The following AGL variants were observed in gnomAD, a reference collection of about 807,000 sequenced individuals.
AGL encodes amylo-alpha-1,6-glucosidase and 4-alpha-glucanotransferase.
A neutral mutation model predicts 199.3 loss-of-function variants in AGL; 128 were observed. The observed-to-expected ratio is 0.64, with a 90% CI of 0.56 to 0.74. AGL has a LOEUF of 0.74. AGL is among the 30% of genes least tolerant of loss of function. The probability of loss-of-function intolerance (pLI) is 0.00; values close to 1 mark genes in which losing one functional copy is unlikely to be tolerated. For synonymous variants in AGL, 584 were observed against 594.7 expected (o/e 0.98, Z 0.26); for missense variants, 1,809 against 1,820.8 (o/e 0.99, Z 0.12).
At position 99,907,680 on chromosome 1, in the gene AGL, G is replaced by GTTTTTGTTTTTTGT. The variant is rs1167463480; in HGVS notation, c.3701-3026_3701-3013dup. 9.8e-4 allele frequency among the ~76,000 whole-genome samples: 46 copies of GTTTTTGTTTTTTGT among 47,046 alleles called. 3 individuals are homozygous for GTTTTTGTTTTTTGT. Among genetic ancestry groups the GTTTTTGTTTTTTGT allele is most frequent in the African/African-American group, 2.6e-3 (40 of 15,602 alleles). The allele number at this position is 47,046 out of a possible 152,430, so 30.9% of individuals were successfully genotyped here. A position where few individuals can be genotyped will look rare whatever the true frequency, so the allele number is the denominator to read the frequency against. On this transcript the variant is annotated intron_variant, in intron 27 of 33. Transcript: ENST00000361915. ...TTTTGGTTTTTGTTTTTGTTCGTTT[G>GTTTTTGTTTTTTGT]TTTTTGTTTTTTGTTTTTTTTGCTA...
chr1:99,906,470 A>G (rs1447798904), intron 27 of AGL, among the ~76,000 whole-genome samples: 1 of 152,146 alleles, frequency 6.6e-6, no homozygotes, highest in African/African-American at 2.4e-5. Flanking sequence ...TGTGGAACAG[A>G]TCTCTAGAAC....
intron 12 of AGL, 132 bp from the exon 13 acceptor site, chr1:99,879,791 G>T: frequency 4.1e-6 from 3 of 723,632 alleles, no homozygotes; most frequent in Non-Finnish European, 7.4e-6. Flanking sequence ...TATGTGTTTT[G>T]GTATGTTTGA....
rs886043990 is a variant in AGL at position 99,881,540 on chromosome 1, G to T, written c.2158-1G>T. On this transcript the variant is annotated splice_acceptor_variant, in intron 16 of 33. Coordinates refer to ENST00000361915, the MANE Select transcript of AGL (RefSeq NM_000642.3). LOFTEE classifies it high-confidence loss of function. The stretch of plus-strand genomic sequence containing the variant: ...ATCTAGTTGTTCTTTCTGCTTCTCA[G>T]GTGTATGTGGATCAAGTTGATGAAG... 4 of 1,613,910 alleles carry T rather than the reference G, an allele frequency of 2.5e-6. No individual in the cohort carries two copies. Among genetic ancestry groups the T allele is most frequent in the Admixed American group, 1.7e-5 (1 of 59,988 alleles).
intron 2 of AGL, among the ~76,000 whole-genome samples, chr1:99,857,984 A>G (rs61213936): frequency 0.14 from 20,772 of 152,258 alleles, 1,511 homozygotes; most frequent in Middle Eastern, 0.16. Flanking sequence ...AGTTACAAAC[A>G]AAAAAGGCAT....
At chr1:99,860,900 T>C (rs1427898030) in intron 2 of AGL, among the ~76,000 whole-genome samples, 3 of 152,220 alleles carry the variant, frequency 2.0e-5, no homozygotes, top group Non-Finnish European at 2.9e-5. Context: ...GCTAAATCTT[T>C]ATTAGCACAT....
At chr1:99,890,651 ATAT>A (rs768325892) in intron 21 of AGL, among the ~76,000 whole-genome samples, 5,632 of 55,050 alleles carry the variant, frequency 0.1, 110 homozygotes, top group East Asian at 0.15. Flanking sequence ...GAAAAAAAAA[ATAT>A]ATATATATAT....
At chr1:99,891,763 A>G in intron 23 of AGL, 24 bp downstream of exon 23, 1 of 1,613,000 alleles carries the variant, frequency 6.2e-7, no homozygotes, top group Non-Finnish European at 8.5e-7. Context: ...AGCTTGAATA[A>G]ATGGGCATAT....
At position 99,915,413 on chromosome 1, in the gene AGL, A is replaced by G. The variant is rs539403694; in HGVS notation, c.4186A>G (p.Lys1396Glu). 4.3e-5 allele frequency: 70 copies of G among 1,614,024 alleles called. 1 individual carries two copies. Among genetic ancestry groups the G allele is most frequent in the South Asian group, 3.0e-4 (27 of 91,074 alleles). The change falls in exon 31 of 34, where the codon AAA becomes GAA. Residue 1396 changes from lysine to glutamate, a missense_variant. Lys to Glu is a moderately conservative substitution (Grantham distance 56). Transcript: ENST00000361915. The part of the protein sequence containing the change: ...VVAPELFTTE[K>E]AWKALEIAEK... ...GGCCCCTGAGCTCTTTACTACAGAA[A>G]AAGCATGGAAAGCTTTGGAGATTGC...
Position 99,923,146 on chromosome 1 carries a change from C to T in AGL, c.*1495C>T, listed in dbSNP as rs998236741. The T allele has an allele frequency of 6.6e-6, 1 of 152,094 alleles. No individual in the cohort carries two copies. The highest frequency in any genetic ancestry group is 2.4e-5 in the African/African-American group (1 of 41,438). 9.4% of individuals were successfully genotyped at this position (152,094 alleles called of 1,614,324 possible). A position where few individuals can be genotyped will look rare whatever the true frequency, so the allele number is the denominator to read the frequency against. On this transcript the variant is annotated 3_prime_UTR_variant, in exon 34 of 34. Coordinates refer to ENST00000361915, the MANE Select transcript of AGL (RefSeq NM_000642.3). ...CAAAACTAAAATAGATTAAATCCTA[C>T]AAATTTAAGGACAGTTGTGACAGTA...
At chr1:99,913,262 A>G (rs926622789) in intron 29 of AGL, among the ~76,000 whole-genome samples, 3 of 152,146 alleles carry the variant, frequency 2.0e-5, no homozygotes, top group African/African-American at 7.2e-5. Flanking sequence ...GTGTATGTAT[A>G]TAAGATATTG....
chr1:99,876,599 TATGTAATTTTTAACTTC>T lies in AGL; in HGVS notation c.1423+3_1423+19del. 6.2e-7 allele frequency: 1 copy of T among 1,613,936 alleles called. No homozygotes were observed. The highest frequency in any genetic ancestry group is 8.5e-7 in the Non-Finnish European group (1 of 1,179,916). Reference sequence around the variant, plus strand: ...CTCTTCGAAACTTTGCTGAACCGGGTATGTAATTTTTAACTTCTCTGTGGATGGGGAAAGAATAGTTC... The same window carrying T: ...CTCTTCGAAACTTTGCTGAACCGGGTTCTGTGGATGGGGAAAGAATAGTTC... On this transcript the variant is annotated splice_donor_5th_base_variant and intron_variant, in intron 11 of 33. Coordinates refer to ENST00000361915, the MANE Select transcript of AGL (RefSeq NM_000642.3).
Position 99,884,639 on chromosome 1 carries a change from C to T in AGL, c.2617C>T (p.His873Tyr). Residue 873 changes from histidine to tyrosine, a missense_variant, in exon 20 of 34, where the codon CAC (histidine) becomes TAC (tyrosine). Physicochemically the swap from His to Tyr is moderately conservative, Grantham distance 83. Coordinates refer to ENST00000361915, the MANE Select transcript of AGL (RefSeq NM_000642.3). ...LRNHLTQFSP[H>Y]FKSGSLAVDN... The stretch of plus-strand genomic sequence containing the variant: ...AAATCATCTGACACAATTCAGTCCT[C>T]ACTTTAAATCTGGCAGCCTAGCTGT... 1 of 1,613,954 alleles carries T rather than the reference C, an allele frequency of 6.2e-7. No homozygotes were observed. Among genetic ancestry groups the T allele is most frequent in the Non-Finnish European group, 8.5e-7 (1 of 1,179,882 alleles).
In AGL at chr1:99,902,704, A is replaced by C; in HGVS notation, c.3610A>C (p.Ile1204Leu). The C allele has an allele frequency of 6.2e-7, 1 of 1,613,346 alleles. No homozygotes were observed. The highest frequency in any genetic ancestry group is 8.5e-7 in the Non-Finnish European group (1 of 1,179,394). The stretch of plus-strand genomic sequence containing the variant: ...ACAGGATCAGCCATTGTTTGAAGTC[A>C]TACAGGAAGCAATGCAAAAACACAT... ...GTLDQPLFEV[I>L]QEAMQKHMQG... Residue 1204 changes from isoleucine (I) to leucine (L), a missense_variant, in exon 27 of 34, where the codon ATA (isoleucine) becomes CTA (leucine). Transcript: ENST00000361915.
chr1:99,896,693 T>C (rs1249950496), intron 25 of AGL, among the ~76,000 whole-genome samples: 1 of 152,250 alleles, frequency 6.6e-6, no homozygotes, highest in East Asian at 1.9e-4. Flanking sequence ...AGTGAAGGCA[T>C]TGCTAGTTCT....
intron 26 of AGL, among the ~76,000 whole-genome samples, chr1:99,901,382 T>TAAAA (rs58305886): frequency 2.8e-5 from 3 of 107,758 alleles, no homozygotes; most frequent in Admixed American, 2.1e-4. Context: ...TCAGTCTCTT[T>TAAAA]AAAAAAAAAA....
At position 99,862,280 on chromosome 1, in the gene AGL, A is replaced by T. The variant is rs201888023; in HGVS notation, c.317A>T (p.Tyr106Phe). The change falls in exon 4 of 34, where the codon TAC (tyrosine) becomes TTC (phenylalanine). Residue 106 changes from tyrosine (Y) to phenylalanine (F), a missense_variant. Physicochemically the swap from Tyr to Phe is conservative, Grantham distance 22. Coordinates refer to ENST00000361915, the MANE Select transcript of AGL (RefSeq NM_000642.3). The stretch of plus-strand genomic sequence containing the variant: ...AGAAATGAGAAAAGTGGTGGAGGTT[A>T]CATAGTTGTGGACCCCATTTTACGT... ...LQGNEKSGGG[Y>F]IVVDPILRVG... The T allele has an allele frequency of 4.2e-5, 67 of 1,613,944 alleles. No individual in the cohort carries two copies. The highest frequency in any genetic ancestry group is 5.4e-5 in the Non-Finnish European group (64 of 1,180,022).
chr1:99,910,403 T>C (rs1294801167), intron 27 of AGL, among the ~76,000 whole-genome samples: 2 of 152,186 alleles, frequency 1.3e-5, no homozygotes, highest in African/African-American at 2.4e-5. Flanking sequence ...CATTCCTCTA[T>C]TGAGCAGTTA....
chr1:99,866,400 T>A (rs971245), intron 5 of AGL, among the ~76,000 whole-genome samples: 4,643 of 152,312 alleles, frequency 0.03, 228 homozygotes, highest in African/African-American at 0.11. Flanking sequence ...TCCAACACTT[T>A]GCTTCAAATT....
In AGL at chr1:99,896,408, G is replaced by C; in HGVS notation, c.3362+20G>C. On this transcript the variant is annotated intron_variant, in intron 25 of 33. Transcript: ENST00000361915. ...AGCCAGGTAGGAGAGCCTCTAAAGTGTTGTACTGCGAGTTTATGTCTGAAT... is the reference window on the plus strand; with the variant it reads ...AGCCAGGTAGGAGAGCCTCTAAAGTCTTGTACTGCGAGTTTATGTCTGAAT... 6.5e-7 allele frequency: 1 copy of C among 1,545,650 alleles called. No individual in the cohort carries two copies. Among genetic ancestry groups the C allele is most frequent in the Non-Finnish European group, 8.9e-7 (1 of 1,117,830 alleles).
Sources: gnomAD v4.1 joint callset for allele counts (sites outside exome capture counted in the v4.1 genomes callset) on GRCh38, gnomAD v4.1.1 for gene constraint, MANE v1.5 for transcripts, NCBI Gene and HGNC (gene_info 2026-07-23, HGNC 2026-07-21) for gene names.